Variants in STK3 observed in about 807,000 individuals in gnomAD.
STK3 encodes serine/threonine-protein kinase 3.
Under a neutral mutation model 58.0 loss-of-function variants are expected in STK3, and 41 were observed. The observed-to-expected ratio is 0.71, with a 90% CI of 0.55 to 0.92. The LOEUF is 0.92. STK3 is among the 40% of genes least tolerant of loss of function. The pLI, the probability that STK3 is intolerant of heterozygous loss-of-function variation, is 0.00. For synonymous variants in STK3, 170 were observed against 191.0 expected, an observed-to-expected ratio of 0.89 and a Z score of 0.91; for missense variants, 479 against 602.7, an observed-to-expected ratio of 0.79 and a Z score of 2.15.
intron 3 of STK3, among the ~76,000 whole-genome samples, chr8:98,755,993 A>C (rs1830264469): frequency 6.6e-6 from 1 of 152,050 alleles, no homozygotes; most frequent in African/African-American, 2.4e-5. Context: ...TACAAAAAAA[A>C]TTAGCTGGGC....
At chr8:98,540,050 G>A (rs1007019659) in intron 9 of STK3, among the ~76,000 whole-genome samples, 20 of 152,018 alleles carry the variant, frequency 1.3e-4, no homozygotes, top group African/African-American at 4.8e-4. Flanking sequence ...CACTGCGCCC[G>A]GCCTCTCCAC....
At chr8:98,555,827 C>T (rs1035830142) in intron 8 of STK3, among the ~76,000 whole-genome samples, 6 of 151,782 alleles carry the variant, frequency 4.0e-5, no homozygotes, top group Admixed American at 6.6e-5. Flanking sequence ...GGGCTCAAAA[C>T]GGAGCTATGG....
chr8:98,813,241 C>T (rs899753317), intron 1 of STK3, among the ~76,000 whole-genome samples: 1 of 152,164 alleles, frequency 6.6e-6, no homozygotes, highest in Non-Finnish European at 1.5e-5. Flanking sequence ...AACTTGCCCA[C>T]CACTGCATTT....
chr8:98,878,936 T>A (rs1280747087), downstream of STK3: 1 of 148,596 alleles, frequency 6.7e-6, no homozygotes, highest in Non-Finnish European at 1.5e-5. Flanking sequence ...TTTTGCTCTT[T>A]CGCCCAGGCT....
intron 6 of STK3, chr8:98,634,007 G>A (rs1314449250): frequency 5.6e-6 from 1 of 177,074 alleles, no homozygotes; most frequent in Non-Finnish European, 1.2e-5. Flanking sequence ...AGTTGGTGAT[G>A]TGGAGTATTA....
chr8:98,728,132 G>A (rs1827917851), intron 4 of STK3, among the ~76,000 whole-genome samples: 1 of 152,104 alleles, frequency 6.6e-6, no homozygotes, highest in African/African-American at 2.4e-5. Context: ...CAGGTATCCT[G>A]GATGAGGAAA....
chr8:98,617,825 T>C (rs1360419176), intron 6 of STK3, among the ~76,000 whole-genome samples: 7 of 151,906 alleles, frequency 4.6e-5, no homozygotes, highest in African/African-American at 1.2e-4. Context: ...TAATCAATAG[T>C]TTACCAACGA....
chr8:98,880,482 GT>G (rs1487814905), downstream of STK3: 1 of 152,188 alleles, frequency 6.6e-6, no homozygotes, highest in Non-Finnish European at 1.5e-5. Context: ...TATTTGTGAA[GT>G]TAGAGGTATC....
intron 1 of STK3, among the ~76,000 whole-genome samples, chr8:98,902,543 A>T (rs1429405912): frequency 6.6e-6 from 1 of 152,126 alleles, no homozygotes; most frequent in Admixed American, 6.6e-5. Flanking sequence ...CACCACGCCC[A>T]TCCAGTTGAT....
At chr8:98,519,640 G>C (rs1825205932) in intron 10 of STK3, among the ~76,000 whole-genome samples, 2 of 152,092 alleles carry the variant, frequency 1.3e-5, no homozygotes. Context: ...GCTAATGCAG[G>C]CAACAAAGGT....
At position 98,665,813 on chromosome 8, in the gene STK3, C is replaced by G. The variant is rs1183899028; in HGVS notation, c.684+40654G>C. 2.0e-5 allele frequency among the ~76,000 whole-genome samples: 3 copies of G among 151,974 alleles called. No homozygotes were observed. In the East Asian group the frequency reaches 5.8e-4, roughly 29 times the overall value. ...CCGCCTCCTGGGTTCACGCCATTCT[C>G]CTGCCTCAGCCTCCAGAGTAGCTGG... On this transcript the variant is annotated intron_variant, in intron 6 of 10. Coordinates refer to ENST00000419617, the MANE Select transcript of STK3 (RefSeq NM_006281.4).
intron 7 of STK3, among the ~76,000 whole-genome samples, chr8:98,584,009 A>C (rs958997848): frequency 1.3e-5 from 2 of 152,164 alleles, no homozygotes; most frequent in African/African-American, 4.8e-5. Flanking sequence ...CACAATTTTA[A>C]AAAAGTATGT....
chr8:98,933,718 C>G (rs1840087436), intron 1 of STK3, among the ~76,000 whole-genome samples: 1 of 152,188 alleles, frequency 6.6e-6, no homozygotes, highest in South Asian at 2.1e-4. Flanking sequence ...AACCTCCATA[C>G]TCAAACTTGC....
chr8:98,456,761 A>G (rs1160404304), intron 10 of STK3, among the ~76,000 whole-genome samples: 1 of 152,238 alleles, frequency 6.6e-6, no homozygotes, highest in Non-Finnish European at 1.5e-5. Flanking sequence ...TAAAACTTGC[A>G]ACTTACTTTT....
At chr8:98,706,659 A>G in intron 5 of STK3, 25 bp from the exon 6 acceptor site, 1 of 1,532,516 alleles carries the variant, frequency 6.5e-7, no homozygotes, top group Non-Finnish European at 8.8e-7. Flanking sequence ...CATAGCCATA[A>G]ATGCTACTAC....
At chr8:98,516,455 TA>T (rs1824941228) in intron 10 of STK3, among the ~76,000 whole-genome samples, 1 of 152,188 alleles carries the variant, frequency 6.6e-6, no homozygotes, top group African/African-American at 2.4e-5. Flanking sequence ...ATTTGAAGAA[TA>T]TTTTTTCTAG....
chr8:98,638,114 A>G (rs1011686572), intron 6 of STK3, among the ~76,000 whole-genome samples: 1 of 152,186 alleles, frequency 6.6e-6, no homozygotes, highest in Admixed American at 6.5e-5. Flanking sequence ...TAACTAAGTT[A>G]AAATGTACAT....
chr8:98,838,271 AC>A (rs1835823227), intron 3 of STK3, among the ~76,000 whole-genome samples: 1 of 151,712 alleles, frequency 6.6e-6, no homozygotes, highest in Non-Finnish European at 1.5e-5. Context: ...TATATAAGAA[AC>A]CTAAACTCTA....
intron 1 of STK3, among the ~76,000 whole-genome samples, chr8:98,885,090 C>T (rs1408256612): frequency 6.6e-6 from 1 of 152,214 alleles, no homozygotes; most frequent in Non-Finnish European, 1.5e-5. Context: ...TCACCTATAA[C>T]TCATTGTAAC....
Sources: gnomAD v4.1 joint callset for allele counts (sites outside exome capture counted in the v4.1 genomes callset) on GRCh38, gnomAD v4.1.1 for gene constraint, MANE v1.5 for transcripts, NCBI Gene and HGNC (gene_info 2026-07-23, HGNC 2026-07-21) for gene names.